Variants in WWOX observed in about 807,000 individuals in gnomAD.
WWOX encodes the protein WW domain containing oxidoreductase, also known as WW domain-containing oxidoreductase.
In WWOX, 69 loss-of-function variants were observed where a neutral mutation model predicts 46.2. The observed-to-expected ratio is 1.49, with a 90% confidence interval of 1.23 to 1.82. The LOEUF (loss-of-function observed/expected upper bound fraction) is 1.82, where lower values mean the gene tolerates loss of function less well. Among genes scored for constraint, WWOX ranks in the 40% most tolerant of loss-of-function variants. The pLI, the probability that WWOX is intolerant of heterozygous loss-of-function variation, is 0.00. For synonymous variants in WWOX, 359 were observed against 202.6 expected (o/e 1.77, Z -6.56); for missense variants, 919 against 542.6 (o/e 1.69, Z -6.89).
intron 8 of WWOX, among the ~76,000 whole-genome samples, chr16:79,167,181 A>G (rs1207506960): frequency 2.6e-5 from 4 of 152,168 alleles, no homozygotes; most frequent in Non-Finnish European, 4.4e-5. Flanking sequence ...TGCTCGAGCA[A>G]TCCACCCACC....
At chr16:78,700,626 G>T (rs1369920160) in intron 8 of WWOX, among the ~76,000 whole-genome samples, 1 of 152,140 alleles carries the variant, frequency 6.6e-6, no homozygotes, top group Non-Finnish European at 1.5e-5. Flanking sequence ...CCTGTCATAG[G>T]ACCATTCCTC....
At position 79,114,718 on chromosome 16, in the gene WWOX, A is replaced by C. The variant is rs377749982; in HGVS notation, c.1057-96890A>C. On this transcript the variant is annotated intron_variant, in intron 8 of 8. Coordinates refer to ENST00000566780, the MANE Select transcript of WWOX (RefSeq NM_016373.4). ...GTTATGGCAGCCCCAGGAAAGGAACACAGCATCCCCTGTCAACAAACCAAG... is the reference window on the plus strand; with the variant it reads ...GTTATGGCAGCCCCAGGAAAGGAACCCAGCATCCCCTGTCAACAAACCAAG... Among the ~76,000 whole-genome samples, 20 of 152,298 alleles carry C rather than the reference A, an allele frequency of 1.3e-4. No individual in the cohort carries two copies. In the East Asian group the frequency reaches 3.9e-3, roughly 30 times the overall value.
At chr16:78,321,336 G>A (rs58266997) in intron 5 of WWOX, among the ~76,000 whole-genome samples, 4,376 of 50,086 alleles carry the variant, frequency 0.087, 588 homozygotes, top group African/African-American at 0.26. Flanking sequence ...ACGTATATAT[G>A]CGTATATATA....
chr16:78,410,676 C>G (rs1036044446), intron 6 of WWOX, among the ~76,000 whole-genome samples: 9 of 151,620 alleles, frequency 5.9e-5, no homozygotes, highest in Non-Finnish European at 1.2e-4. Flanking sequence ...CATGGTGGCA[C>G]ATGCATGTAA....
intron 8 of WWOX, among the ~76,000 whole-genome samples, chr16:78,983,694 G>T (rs2046727397): frequency 6.6e-6 from 1 of 152,082 alleles, no homozygotes; most frequent in African/African-American, 2.4e-5. Context: ...ATCCCTGAAT[G>T]ACTGCGTGGA....
At chr16:78,374,092 G>A (rs762780955) in intron 5 of WWOX, among the ~76,000 whole-genome samples, 1 of 152,178 alleles carries the variant, frequency 6.6e-6, no homozygotes, top group Non-Finnish European at 1.5e-5. Context: ...TGGCCACCAG[G>A]CATATTTTGG....
At chr16:78,834,612 G>T (rs2051926014) in intron 8 of WWOX, among the ~76,000 whole-genome samples, 1 of 152,182 alleles carries the variant, frequency 6.6e-6, no homozygotes, top group Non-Finnish European at 1.5e-5. Context: ...AGCGTAGTTT[G>T]TTGCAGATGA....
intron 8 of WWOX, among the ~76,000 whole-genome samples, chr16:78,677,694 G>A (rs1038846100): frequency 2.6e-5 from 4 of 152,170 alleles, no homozygotes; most frequent in African/African-American, 9.7e-5. Flanking sequence ...TATCTCTTGT[G>A]ATGAACTCAG....
intron 5 of WWOX, among the ~76,000 whole-genome samples, chr16:78,297,128 G>A (rs57386345): frequency 0.063 from 9,618 of 152,154 alleles, 1,087 homozygotes; most frequent in African/African-American, 0.22. Context: ...CTCTGGGTTC[G>A]TTTGGTATCC....
chr16:78,507,867 G>A (rs917108604), intron 8 of WWOX, among the ~76,000 whole-genome samples: 1 of 152,136 alleles, frequency 6.6e-6, no homozygotes, highest in Non-Finnish European at 1.5e-5. Context: ...TGGCCCCCGG[G>A]TCGCATGTGG....
intron 8 of WWOX, among the ~76,000 whole-genome samples, chr16:78,945,617 G>T (rs369250160): frequency 4.6e-5 from 7 of 151,762 alleles, no homozygotes; most frequent in African/African-American, 7.3e-5. Context: ...TTCGCTGCTT[G>T]ATCTGACTAC....
chr16:78,284,415 G>C (rs559911340), intron 5 of WWOX, among the ~76,000 whole-genome samples: 4 of 152,290 alleles, frequency 2.6e-5, no homozygotes, highest in African/African-American at 9.6e-5. Context: ...ACTTTGAAGT[G>C]GCAAGAGTTA....
At chr16:78,673,239 C>T (rs767213380) in intron 8 of WWOX, among the ~76,000 whole-genome samples, 3 of 152,166 alleles carry the variant, frequency 2.0e-5, no homozygotes, top group Non-Finnish European at 2.9e-5. Context: ...CATGTAATTT[C>T]TTCTTGGAAG....
chr16:78,250,170 G>A (rs2037945761), intron 5 of WWOX, among the ~76,000 whole-genome samples: 1 of 152,124 alleles, frequency 6.6e-6, no homozygotes, highest in Admixed American at 6.5e-5. Context: ...CAATTTAGGG[G>A]GCTGTATGGA....
At chr16:79,055,951 T>G (rs2048253982) in intron 8 of WWOX, among the ~76,000 whole-genome samples, 1 of 152,204 alleles carries the variant, frequency 6.6e-6, no homozygotes, top group African/African-American at 2.4e-5. Flanking sequence ...CATAAATATT[T>G]GAGCTCCATT....
chr16:78,108,674 A>T (rs946547918), intron 2 of WWOX, among the ~76,000 whole-genome samples, 187 bp downstream of exon 2: 1 of 152,138 alleles, frequency 6.6e-6, no homozygotes, highest in African/African-American at 2.4e-5. Flanking sequence ...TGGAGTGAGG[A>T]TGATTTCTTA....
chr16:78,428,178 G>C (rs1480223708), intron 7 of WWOX, among the ~76,000 whole-genome samples: 1 of 152,232 alleles, frequency 6.6e-6, no homozygotes, highest in African/African-American at 2.4e-5. Context: ...CAGAGCAAAT[G>C]TCAATATTTT....
intron 5 of WWOX, among the ~76,000 whole-genome samples, chr16:78,217,190 T>A (rs917485402): frequency 6.6e-6 from 1 of 152,170 alleles, no homozygotes; most frequent in Admixed American, 6.6e-5. Flanking sequence ...GAGAGCCCAT[T>A]GCCCTGCATC....
At chr16:78,922,506 GTCACTGGGAT>G (rs2045402483) in intron 8 of WWOX, among the ~76,000 whole-genome samples, 1 of 151,790 alleles carries the variant, frequency 6.6e-6, no homozygotes, top group African/African-American at 2.4e-5. Flanking sequence ...AGCCTCCTGA[GTCACTGGGAT>G]TACAGGCATG....
Sources: gnomAD v4.1 joint callset for allele counts (sites outside exome capture counted in the v4.1 genomes callset) on GRCh38, gnomAD v4.1.1 for gene constraint, MANE v1.5 for transcripts, NCBI Gene and HGNC (gene_info 2026-07-23, HGNC 2026-07-21) for gene names.